DGLUCY: variants seen among roughly 807,000 people sequenced by gnomAD.
DGLUCY encodes the protein D-glutamate cyclase.
A neutral mutation model predicts 58.5 loss-of-function variants in DGLUCY; 58 were observed. That is an observed-to-expected ratio of 0.99 (90% CI 0.80 to 1.23). The LOEUF (loss-of-function observed/expected upper bound fraction) is 1.23, where lower values mean the gene tolerates loss of function less well. Among genes scored for constraint, DGLUCY ranks in the 50% most tolerant of loss-of-function variants. DGLUCY has a pLI of 0.00. For synonymous variants in DGLUCY, 325 were observed against 314.1 expected, an observed-to-expected ratio of 1.03 and a Z score of -0.37; for missense variants, 779 against 784.7, an observed-to-expected ratio of 0.99 and a Z score of 0.09.
At chr14:91,132,729 C>T (rs563272500) in intron 1 of DGLUCY, among the ~76,000 whole-genome samples, 35 of 151,806 alleles carry the variant, frequency 2.3e-4, no homozygotes, top group East Asian at 7.9e-4. Flanking sequence ...CTGCCAGCCT[C>T]GGCCTCCCAA....
At chr14:91,206,208 C>T (rs1419944905) in intron 12 of DGLUCY, among the ~76,000 whole-genome samples, 1 of 151,970 alleles carries the variant, frequency 6.6e-6, no homozygotes, top group East Asian at 1.9e-4. Flanking sequence ...TTCCAGCTCC[C>T]TCTAGCAATC....
chr14:91,194,603 C>T (rs529198440), intron 9 of DGLUCY, among the ~76,000 whole-genome samples: 48 of 150,504 alleles, frequency 3.2e-4, no homozygotes, highest in Non-Finnish European at 4.6e-4. Context: ...TGCAGTGGCG[C>T]GATCTTGGCT....
intron 1 of DGLUCY, among the ~76,000 whole-genome samples, chr14:91,071,424 AAGTTTTT>A (rs2043917064): frequency 6.6e-6 from 1 of 152,116 alleles, no homozygotes. Flanking sequence ...CTTGAAAAAA[AAGTTTTT>A]TACGTTGAAA....
intron 5 of DGLUCY, among the ~76,000 whole-genome samples, chr14:91,172,620 G>A (rs1244119745): frequency 6.6e-6 from 1 of 151,852 alleles, no homozygotes; most frequent in Non-Finnish European, 1.5e-5. Flanking sequence ...TGCTACTGAG[G>A]AAGCATGCAT....
intron 1 of DGLUCY, among the ~76,000 whole-genome samples, chr14:91,095,878 C>G (rs1320967638): frequency 6.6e-6 from 1 of 151,982 alleles, no homozygotes; most frequent in African/African-American, 2.4e-5. Flanking sequence ...CCAAAGCTCA[C>G]ATCTTCAGTG....
chr14:91,204,350 C>T (rs570657310), intron 11 of DGLUCY, among the ~76,000 whole-genome samples: 5 of 152,256 alleles, frequency 3.3e-5, no homozygotes, highest in African/African-American at 9.6e-5. Context: ...CCAGATCCCC[C>T]GGGGGGCTCA....
intron 1 of DGLUCY, among the ~76,000 whole-genome samples, chr14:91,108,526 T>TGAGAGAGAGAGAGAGAGAGA (rs1194090963): frequency 1.0e-3 from 53 of 52,172 alleles, no homozygotes; most frequent in Non-Finnish European, 1.5e-3. Context: ...TGTGTGTGTG[T>TGAGAGAGAGAGAGAGAGAGA]GAGAGAGAGA....
intron 1 of DGLUCY, among the ~76,000 whole-genome samples, chr14:91,142,168 A>G (rs750045376): frequency 1.2e-4 from 18 of 152,178 alleles, no homozygotes; most frequent in Non-Finnish European, 1.8e-4. Flanking sequence ...TAACCTGCTC[A>G]AGGATCACAG....
At chr14:91,158,831 CTTTT>C (rs1304125904) in intron 2 of DGLUCY, 7 of 138,288 alleles carry the variant, frequency 5.1e-5, no homozygotes, top group Non-Finnish European at 7.9e-5. Flanking sequence ...TAAAACCTAT[CTTTT>C]TTTTTTTTTT....
At chr14:91,221,443 G>C (rs1887480157) in intron 13 of DGLUCY, among the ~76,000 whole-genome samples, 1 of 151,956 alleles carries the variant, frequency 6.6e-6, no homozygotes, top group Non-Finnish European at 1.5e-5. Context: ...TGCATGGATG[G>C]ATGGGTGATG....
At chr14:91,111,248 G>GTGTGTGTA (rs1555391921), upstream of DGLUCY, among the ~76,000 whole-genome samples, 58 of 81,156 alleles carry the variant, frequency 7.1e-4, 1 homozygote, top group Middle Eastern at 5.1e-3. Context: ...GTGTGTGTGT[G>GTGTGTGTA]TATATATCTA....
chr14:91,104,218 A>T (rs1462471773), upstream of DGLUCY, among the ~76,000 whole-genome samples: 3 of 150,302 alleles, frequency 2.0e-5, no homozygotes, highest in African/African-American at 7.4e-5. Context: ...ACCCGCCACC[A>T]CGCCCGGCTA....
rs140376243 is a variant in DGLUCY, at chr14:91,129,067, G to A, written c.-82+14784G>A. On this transcript the variant is annotated intron_variant, in intron 1 of 13. Transcript: ENST00000256324. ...CAGTGGGTCAGAAGCCTGACAATCCGCCTAGCCTCTGCTTTGAGCGTCAGG... is the reference window on the plus strand; with the variant it reads ...CAGTGGGTCAGAAGCCTGACAATCCACCTAGCCTCTGCTTTGAGCGTCAGG... Among the ~76,000 whole-genome samples, 467 of 152,254 alleles carry A rather than the reference G, an allele frequency of 3.1e-3. 2 individuals are homozygous for A. Among genetic ancestry groups the A allele is most frequent in the African/African-American group, 0.011 (438 of 41,550 alleles).
At chr14:91,195,071 T>C (rs1310006013) in intron 9 of DGLUCY, among the ~76,000 whole-genome samples, 1 of 152,104 alleles carries the variant, frequency 6.6e-6, no homozygotes, top group African/African-American at 2.4e-5. Context: ...TGTGAGGGGC[T>C]GATGATGGAG....
At chr14:91,220,836 T>C (rs1301939811) in intron 13 of DGLUCY, 4 of 380,700 alleles carry the variant, frequency 1.1e-5, no homozygotes, top group Non-Finnish European at 2.1e-5. Context: ...GCCCATTTCA[T>C]GCCAGCCCTT....
chr14:91,215,359 C>CATGACT, intron 12 of DGLUCY, 46 bp from the exon 13 acceptor site: 1 of 1,564,654 alleles, frequency 6.4e-7, no homozygotes. Context: ...CTGACAGACA[C>CATGACT]ATGACTTTTC....
intron 1 of DGLUCY, among the ~76,000 whole-genome samples, chr14:91,145,694 T>G (rs1035770992): frequency 2.0e-5 from 3 of 152,098 alleles, no homozygotes; most frequent in African/African-American, 7.2e-5. Flanking sequence ...TACCCGGTGC[T>G]CTCTCAGCAC....
intron 1 of DGLUCY, among the ~76,000 whole-genome samples, chr14:91,131,776 A>G (rs1282775973): frequency 2.6e-5 from 4 of 152,132 alleles, no homozygotes; most frequent in Admixed American, 2.0e-4. Context: ...TTTGTTACTG[A>G]TAATTAGCTT....
At chr14:91,131,999 G>A (rs572596596) in intron 1 of DGLUCY, among the ~76,000 whole-genome samples, 74 of 152,172 alleles carry the variant, frequency 4.9e-4, no homozygotes, top group African/African-American at 1.7e-3. Flanking sequence ...CTCCATGTTC[G>A]TCAGGCTGAT....
Sources: gnomAD v4.1 joint callset for allele counts (sites outside exome capture counted in the v4.1 genomes callset) on GRCh38, gnomAD v4.1.1 for gene constraint, MANE v1.5 for transcripts, NCBI Gene and HGNC (gene_info 2026-07-23, HGNC 2026-07-21) for gene names.